Variants in TSC2 observed in about 807,000 individuals in gnomAD.
TSC2 encodes the protein TSC complex subunit 2, also known as tuberin.
A neutral mutation model predicts 202.2 loss-of-function variants in TSC2; 29 were observed. The ratio of observed to expected loss-of-function variants is 0.14; its 90% CI spans 0.11 to 0.20. The LOEUF (loss-of-function observed/expected upper bound fraction) is 0.20. TSC2 is among the 10% of genes least tolerant of loss of function. The pLI, the probability that TSC2 is intolerant of heterozygous loss-of-function variation, is 1.00. For synonymous variants in TSC2, 1,349 were observed against 1,044.0 expected (o/e 1.29, Z -5.63); for missense variants, 2,429 against 2,420.0 (o/e 1.00, Z -0.08).
chr16:2,058,647 C>T, intron 9 of TSC2, 100 bp from the exon 10 acceptor site: 2 of 1,523,742 alleles, frequency 1.3e-6, no homozygotes, highest in East Asian at 2.5e-5. Context: ...GCACAGGGAC[C>T]TCTGGGGCTG....
chr16:2,057,701 A>T (rs1009361825), intron 9 of TSC2, among the ~76,000 whole-genome samples: 1 of 152,124 alleles, frequency 6.6e-6, no homozygotes, highest in African/African-American at 2.4e-5. Context: ...CTTTGCTGGA[A>T]GCCAGGTGGT....
intron 3 of TSC2, among the ~76,000 whole-genome samples, chr16:2,052,796 GTAGT>G (rs914615528): frequency 4.6e-5 from 7 of 152,202 alleles, no homozygotes; most frequent in African/African-American, 1.4e-4. Flanking sequence ...AGGCTGGGTG[GTAGT>G]TAGAGGAGGC....
chr16:2,061,044 G>C (rs994108323), intron 11 of TSC2: 18 of 588,620 alleles, frequency 3.1e-5, no homozygotes, highest in South Asian at 3.1e-4. Context: ...CAGTAGGTGA[G>C]CCGGGGCTGG....
chr16:2,083,596 C>T (rs2090398404), intron 32 of TSC2, 99 bp from the exon 33 acceptor site: 11 of 1,536,636 alleles, frequency 7.2e-6, no homozygotes, highest in Non-Finnish European at 7.9e-6. Flanking sequence ...CGCAGGGCTG[C>T]TGTCCCTCTG....
chr16:2,063,117 G>C, intron 14 of TSC2, 64 bp downstream of exon 14: 2 of 1,529,730 alleles, frequency 1.3e-6, no homozygotes, highest in Non-Finnish European at 8.9e-7. Context: ...GGCTGTCTCT[G>C]TTGTGCACGT....
intron 5 of TSC2, 35 bp downstream of exon 5, chr16:2,054,475 C>T: frequency 6.2e-7 from 1 of 1,613,560 alleles, no homozygotes; most frequent in Non-Finnish European, 8.5e-7. Flanking sequence ...TTTCTCTGGC[C>T]TTGACGATCA....
In TSC2 at chr16:2,064,391, ACAC is replaced by A. The variant is rs2087028639; in HGVS notation, c.1567_1569del (p.His523del). 1 of 1,613,676 alleles carries A rather than the reference ACAC, an allele frequency of 6.2e-7. No individual in the cohort carries two copies. Among genetic ancestry groups the A allele is most frequent in the Non-Finnish European group, 8.5e-7 (1 of 1,180,020 alleles). ...TGGACCTGGCAGAGGGCTGCCACAC[ACAC>A]CACTTCAACAGCCTGCTGGACATCA... On this transcript the variant is annotated inframe_deletion, in exon 15 of 42. Coordinates refer to ENST00000219476, the MANE Select transcript of TSC2 (RefSeq NM_000548.5).
At chr16:2,083,133 C>T (rs867653253) in intron 32 of TSC2, 8 of 456,074 alleles carry the variant, frequency 1.8e-5, no homozygotes, top group African/African-American at 1.6e-4. Context: ...TGATGGTCCC[C>T]TCTGTTGCTG....
rs45517413 is a variant in TSC2, at chr16:2,088,297, T to G, written c.5231T>G (p.Leu1744Arg). The G allele has an allele frequency of 6.2e-7, 1 of 1,612,626 alleles. No individual in the cohort carries two copies. Among genetic ancestry groups the G allele is most frequent in the Non-Finnish European group, 8.5e-7 (1 of 1,179,914 alleles). ...TACCCCTCCAAGTGGATTGCCCGGC[T>G]CCGCCACATCAAGCGGCTCCGCCAG... ...DIYPSKWIAR[L>R]RHIKRLRQRI... is the part of the protein sequence containing the mutation. Residue 1744 changes from leucine (L) to arginine (R), a missense_variant, in exon 41 of 42, where the codon CTC becomes CGC. Coordinates refer to ENST00000219476, the MANE Select transcript of TSC2 (RefSeq NM_000548.5).
At chr16:2,068,249 A>G (rs953638109) in intron 16 of TSC2, among the ~76,000 whole-genome samples, 2 of 152,158 alleles carry the variant, frequency 1.3e-5, no homozygotes, top group African/African-American at 4.8e-5. Context: ...CATGTTGGCC[A>G]GGCTGGTCTC....
At position 2,080,103 on chromosome 16, in the gene TSC2, T is replaced by G; in HGVS notation, c.3398-62T>G. On this transcript the variant is annotated intron_variant, in intron 29 of 41. Transcript: ENST00000219476. ...GCCAGGCTCGGGGGGAGCATTCAGC[T>G]TGAGGCTGGTGGTTTTGCATCAGGT... The G allele has an allele frequency of 3.7e-6, 6 of 1,604,870 alleles. No homozygotes were observed. In the South Asian group the frequency reaches 5.5e-5, roughly 15 times the overall value.
chr16:2,060,345 G>C (rs1334791029), intron 10 of TSC2, among the ~76,000 whole-genome samples: 1 of 152,150 alleles, frequency 6.6e-6, no homozygotes, highest in Admixed American at 6.5e-5. Context: ...TGTTGTCTTT[G>C]TGCACAGCTT....
Position 2,084,621 on chromosome 16 carries a change from G to T in TSC2, c.4399G>T (p.Ala1467Ser), listed in dbSNP as rs774980656. ...RPRGYTISDS[A>S]PSRRGKRVER... ...CCGAGGTTACACCATCTCCGACTCG[G>T]CCCCATCACGCAGGGGCAAGAGAGT... The change falls in exon 34 of 42, where the codon GCC becomes TCC. Residue 1467 changes from alanine (A) to serine (S), a missense_variant. By Grantham distance (99) the Ala-to-Ser change is moderately conservative (BLOSUM62 1). Transcript: ENST00000219476. The T allele has an allele frequency of 6.2e-7, 1 of 1,601,216 alleles. No individual in the cohort carries two copies.
Position 2,076,063 on chromosome 16 carries a change from C to T in TSC2, c.2640-5C>T, listed in dbSNP as rs753781434. The T allele has an allele frequency of 3.7e-6, 6 of 1,613,970 alleles. No homozygotes were observed. The highest frequency in any genetic ancestry group is 4.2e-6 in the Non-Finnish European group (5 of 1,180,046). On this transcript the variant is annotated splice_polypyrimidine_tract_variant and splice_region_variant and intron_variant, in intron 23 of 41. Transcript: ENST00000219476. ...GATGGAGTGCCAGCCCCCTTCTCAT[C>T]TCAGGTTTAATCAGTACATCGTGTG...
At position 2,081,747 on chromosome 16, in the gene TSC2, G is replaced by A. The variant is rs1596400585; in HGVS notation, c.3763G>A (p.Val1255Met). ...RDTALYKSLS[V>M]PAASTAKPPP... ...CACAGCCCTGTACAAGTCACTGTCGGTGCCGGCAGCCAGCACGGCCAAACC... is the reference window on the plus strand; with the variant it reads ...CACAGCCCTGTACAAGTCACTGTCGATGCCGGCAGCCAGCACGGCCAAACC... Residue 1255 changes from valine (V) to methionine (M), a missense_variant, in exon 31 of 42, where the codon GTG (valine) becomes ATG (methionine). Val to Met is a conservative substitution (Grantham distance 21, BLOSUM62 1). Transcript: ENST00000219476. The A allele has an allele frequency of 6.2e-7, 1 of 1,612,892 alleles. No individual in the cohort carries two copies. Among genetic ancestry groups the A allele is most frequent in the South Asian group, 1.1e-5 (1 of 91,082 alleles).
Position 2,088,688 on chromosome 16 carries a change from C to T in TSC2, c.*78C>T, listed in dbSNP as rs1332550395. The T allele has an allele frequency of 1.6e-5, 24 of 1,514,148 alleles. No individual in the cohort carries two copies. Among genetic ancestry groups the T allele is most frequent in the Non-Finnish European group, 2.1e-5 (24 of 1,127,010 alleles). 93.8% of individuals were successfully genotyped at this position (1,514,148 alleles called of 1,614,324 possible). ...AATAAATAAAGTCCTGACCCCAGTG[C>T]ACAGACATAGAGGCACAGATTGCAG... On this transcript the variant is annotated 3_prime_UTR_variant, in exon 42 of 42. Coordinates refer to ENST00000219476, the MANE Select transcript of TSC2 (RefSeq NM_000548.5).
rs876660457 is a variant in TSC2, at chr16:2,074,359, A to G, written c.2515A>G (p.Met839Val). ...CACGCACATCTCAGCCACAGCCAGC[A>G]TGGCCGTCCCACTGCTGGAGTTCCT... ...KLTHISATASMAVPLLEFLST... is the reference protein window; with the variant it reads ...KLTHISATASVAVPLLEFLST... Residue 839 changes from methionine to valine, a missense_variant, in exon 22 of 42, where the codon ATG becomes GTG. Transcript: ENST00000219476. 1 of 1,612,076 alleles carries G rather than the reference A, an allele frequency of 6.2e-7. No homozygotes were observed. Among genetic ancestry groups the G allele is most frequent in the Non-Finnish European group, 8.5e-7 (1 of 1,180,030 alleles).
chr16:2,082,354 G>A, intron 31 of TSC2, 82 bp from the exon 32 acceptor site: 2 of 1,518,622 alleles, frequency 1.3e-6, no homozygotes, highest in African/African-American at 2.7e-5. Context: ...CTCCTCTGCA[G>A]GCACGGGGCC....
chr16:2,088,451 C>T lies in TSC2; in HGVS notation c.5265C>T (p.Cys1755=), dbSNP rs141449031. The part of the protein sequence containing the change: ...RHIKRLRQRI[C]EEAAYSNPSL... ...CAAGCCGCCTCTGCCTTCAGATCTG[C>T]GAGGAAGCCGCCTACTCCAACCCCA... is the stretch of plus-strand genomic sequence containing the variant. The change falls in exon 42 of 42, where the codon TGC becomes TGT. Residue 1755 remains cysteine, a synonymous_variant. Coordinates refer to ENST00000219476, the MANE Select transcript of TSC2 (RefSeq NM_000548.5). The T allele has an allele frequency of 3.7e-5, 59 of 1,612,656 alleles. No individual in the cohort carries two copies. The highest frequency in any genetic ancestry group is 1.8e-4 in the South Asian group (16 of 91,094).
Sources: allele counts gnomAD v4.1 joint callset (sites outside exome capture counted in the v4.1 genomes callset), GRCh38; gene constraint gnomAD v4.1.1; transcripts MANE v1.5; gene names NCBI Gene and HGNC (gene_info 2026-07-23, HGNC 2026-07-21).